The following CSNK1E variants were observed in gnomAD, a reference collection of about 807,000 sequenced individuals.
The protein encoded by CSNK1E is casein kinase 1 epsilon, also known as casein kinase I isoform epsilon.
In CSNK1E, 17 loss-of-function variants were observed where a neutral mutation model predicts 46.1. That is an observed-to-expected ratio of 0.37 (90% CI 0.25 to 0.55). The LOEUF is 0.55. CSNK1E is among the 20% of genes least tolerant of loss of function. The pLI is 0.82. For synonymous variants in CSNK1E, 241 were observed against 242.6 expected (o/e 0.99, Z 0.06); for missense variants, 386 against 595.4 (o/e 0.65, Z 3.66).
At chr22:38,292,684 C>T (rs2092617577) in intron 10 of CSNK1E, 1 of 153,578 alleles carries the variant, frequency 6.5e-6, no homozygotes. Context: ...CCTGCCGCCT[C>T]CCCTTCCCCA....
intron 6 of CSNK1E, 22 bp downstream of exon 6, chr22:38,299,873 C>A: frequency 3.1e-6 from 5 of 1,609,332 alleles, no homozygotes; most frequent in South Asian, 1.1e-5. Flanking sequence ...CCAGGCATGT[C>A]CCCTCCCACT....
chr22:38,305,997 CA>C (rs1250230232), intron 2 of CSNK1E, among the ~76,000 whole-genome samples: 21 of 152,264 alleles, frequency 1.4e-4, no homozygotes, highest in African/African-American at 5.1e-4. Context: ...GGAAACAACC[CA>C]AATGTCCCTC....
Position 38,294,425 on chromosome 22 carries a change from G to A in CSNK1E, c.995C>T (p.Pro332Leu), listed in dbSNP as rs2092628906. 3 of 1,563,150 alleles carry A rather than the reference G, an allele frequency of 1.9e-6. No homozygotes were observed. Among genetic ancestry groups the A allele is most frequent in the Non-Finnish European group, 2.6e-6 (3 of 1,156,400 alleles). The change falls in exon 8 of 11, where the codon CCA becomes CTA. Residue 332 changes from proline to leucine, a missense_variant. Physicochemically the swap from Pro to Leu is moderately conservative, Grantham distance 98. Transcript: ENST00000396832. This position sits in a 1 kb window ranked among gnomAD's most constrained non-coding sequence, Gnocchi z 5.5. ...GSATRALPPG[P>L]PTGATANRLR... ...CCGGTTGGCAGTGGCCCCCGTGGGT[G>A]GGCCAGGGGGCAGGGCTCGGGTCGC...
rs2092682072 is a variant in CSNK1E at position 38,303,108 on chromosome 22, GGCGCCCGCCGCCGCCCACCCT to G, written c.187+9_187+29del. The G allele has an allele frequency of 6.6e-6, 6 of 903,164 alleles. No homozygotes were observed. The highest frequency in any genetic ancestry group is 1.3e-5 in the South Asian group (1 of 77,770). The allele number at this position is 903,164 out of a possible 1,614,324, so 55.9% of individuals were successfully genotyped here. On this transcript the variant is annotated intron_variant, in intron 3 of 10. Coordinates refer to ENST00000396832, the MANE Select transcript of CSNK1E (RefSeq NM_152221.3). The surrounding 1 kb of genome is among the most constrained non-coding windows in gnomAD (Gnocchi z 4.7). ...CATGGCTGCCCACCGCCACCCACCC[GGCGCCCGCCGCCGCCCACCCT>G]GCGCTCACCGCCACCCTGCATCATC...
chr22:38,294,293 AG>A lies in CSNK1E; in HGVS notation c.1079-46del, dbSNP rs1342901743. ...CCACCCTCAGAGTAGGCACAAACAG[AG>A]CCCCCCACCCACCCTGAACCCAGCC... is the stretch of plus-strand genomic sequence containing the variant. On this transcript the variant is annotated intron_variant, in intron 8 of 10. Transcript: ENST00000396832. The surrounding 1 kb of genome is among the most constrained non-coding windows in gnomAD (Gnocchi z 5.5). 6.2e-7 allele frequency: 1 copy of A among 1,600,074 alleles called. No individual in the cohort carries two copies. The highest frequency in any genetic ancestry group is 1.3e-5 in the African/African-American group (1 of 74,744).
chr22:38,296,159 C>T, intron 7 of CSNK1E: 1 of 998,242 alleles, frequency 1.0e-6, no homozygotes. Flanking sequence ...GTGGGCGACT[C>T]TCCATGGTCC....
chr22:38,296,310 T>C, intron 7 of CSNK1E: 2 of 1,322,606 alleles, frequency 1.5e-6, no homozygotes, highest in Non-Finnish European at 1.9e-6. Context: ...CTGTGTTGAA[T>C]TCCTTCCCGG....
rs552795135 is a variant in CSNK1E at position 38,317,282 on chromosome 22, A to AGCCGCC, written c.-141_-136dup. ...CCGGCGCGCCAGCCTCTCCCGGCCC[A>AGCCGCC]GCCGCCGCCGCCGCCGCCGCCGCCG... is the stretch of plus-strand genomic sequence containing the variant. On this transcript the variant is annotated 5_prime_UTR_variant, in exon 1 of 11. Transcript: ENST00000396832. The AGCCGCC allele has an allele frequency of 0.021, 3,145 of 146,924 alleles. 52 individuals are homozygous for AGCCGCC. The highest frequency in any genetic ancestry group is 0.034 in the Admixed American group (485 of 14,398). The allele number at this position is 146,924 out of a possible 1,614,324, so 9.1% of individuals were successfully genotyped here. A position where few individuals can be genotyped will look rare whatever the true frequency, so the allele number is the denominator to read the frequency against.
At chr22:38,292,333 C>G (rs2092615830) in intron 10 of CSNK1E, 1 of 152,166 alleles carries the variant, frequency 6.6e-6, no homozygotes, top group African/African-American at 2.4e-5. Context: ...CCCTCTGGGC[C>G]CCAGAGCCTG....
intron 7 of CSNK1E, chr22:38,297,141 T>A (rs912536123): frequency 1.3e-6 from 1 of 779,110 alleles, no homozygotes; most frequent in Admixed American, 1.7e-5. Flanking sequence ...GGCTACCATC[T>A]TGGACAGTGT....
Position 38,303,267 on chromosome 22 carries a change from C to T in CSNK1E, c.77-19G>A. The stretch of plus-strand genomic sequence containing the variant: ...TTGGCACCTGCCCGGGGCAGGGAGG[C>T]AAGGGACCAGGGTCACCCTCAAAGG... On this transcript the variant is annotated intron_variant, in intron 2 of 10. Transcript: ENST00000396832. The surrounding 1 kb of genome is among the most constrained non-coding windows in gnomAD (Gnocchi z 4.7). 1.9e-6 allele frequency: 3 copies of T among 1,580,300 alleles called. No individual in the cohort carries two copies. Among genetic ancestry groups the T allele is most frequent in the Non-Finnish European group, 2.6e-6 (3 of 1,164,060 alleles).
At chr22:38,296,295 CT>C in intron 7 of CSNK1E, 1 of 1,306,216 alleles carries the variant, frequency 7.7e-7, no homozygotes, top group Admixed American at 3.6e-5. Flanking sequence ...GACCTCTGTC[CT>C]TGGCTGTGTT....
At chr22:38,297,056 G>A (rs2092644583) in intron 7 of CSNK1E, 3 of 743,496 alleles carry the variant, frequency 4.0e-6, no homozygotes, top group Non-Finnish European at 7.5e-6. Flanking sequence ...TTACAGGCAT[G>A]AGCCACCAGG....
chr22:38,312,266 T>C (rs2092724320), intron 2 of CSNK1E, among the ~76,000 whole-genome samples: 1 of 152,228 alleles, frequency 6.6e-6, no homozygotes, highest in Non-Finnish European at 1.5e-5. Context: ...TTTTTATATT[T>C]TTCTTGTAGA....
At chr22:38,316,125 TG>T (rs1274770685) in intron 1 of CSNK1E, among the ~76,000 whole-genome samples, 1 of 147,450 alleles carries the variant, frequency 6.8e-6, no homozygotes, top group South Asian at 2.3e-4. Context: ...ATAAACAAAG[TG>T]GGGGGAAAAG....
intron 9 of CSNK1E, 46 bp from the exon 10 acceptor site, chr22:38,293,365 G>A (rs1470877654): frequency 6.4e-6 from 8 of 1,255,630 alleles, no homozygotes; most frequent in Non-Finnish European, 9.2e-6. Context: ...AGAGAGGGAG[G>A]TACAAGCTTC....
At position 38,294,264 on chromosome 22, in the gene CSNK1E, G is replaced by A. The variant is rs1602539673; in HGVS notation, c.1079-16C>T. 1.2e-6 allele frequency: 2 copies of A among 1,610,010 alleles called. No individual in the cohort carries two copies. Among genetic ancestry groups the A allele is most frequent in the Non-Finnish European group, 8.5e-7 (1 of 1,179,146 alleles). On this transcript the variant is annotated splice_polypyrimidine_tract_variant and intron_variant, in intron 8 of 10. Coordinates refer to ENST00000396832, the MANE Select transcript of CSNK1E (RefSeq NM_152221.3). This position sits in a 1 kb window ranked among gnomAD's most constrained non-coding sequence, Gnocchi z 5.5. Reference sequence around the variant, plus strand: ...GAAGTATTGCCTGGAGGGAGAGTGGGAAGCCACCCTCAGAGTAGGCACAAA... The same window carrying A: ...GAAGTATTGCCTGGAGGGAGAGTGGAAAGCCACCCTCAGAGTAGGCACAAA...
At chr22:38,308,683 G>A (rs1188009017) in intron 2 of CSNK1E, among the ~76,000 whole-genome samples, 8 of 152,070 alleles carry the variant, frequency 5.3e-5, no homozygotes. Flanking sequence ...CTAGAGATGA[G>A]CCGGTGTCCA....
chr22:38,292,122 G>A (rs2092614489), intron 10 of CSNK1E, 184 bp from the exon 11 acceptor site: 1 of 152,028 alleles, frequency 6.6e-6, no homozygotes, highest in Admixed American at 6.6e-5. Context: ...GAGTAGCTGA[G>A]ATTACAGGTG....
Sources: allele counts gnomAD v4.1 joint callset (sites outside exome capture counted in the v4.1 genomes callset), GRCh38; gene constraint gnomAD v4.1.1; non-coding constraint Gnocchi (gnomAD v3.1); transcripts MANE v1.5; gene names NCBI Gene and HGNC (gene_info 2026-07-23, HGNC 2026-07-21).